ADGRG6: variants seen among roughly 807,000 people sequenced by gnomAD.
The protein encoded by ADGRG6 is adhesion G protein-coupled receptor G6, also known as G-protein coupled receptor 126.
A neutral mutation model predicts 142.4 loss-of-function variants in ADGRG6; 84 were observed. The ratio of observed to expected loss-of-function variants is 0.59; its 90% confidence interval spans 0.49 to 0.71. ADGRG6 has a LOEUF of 0.71. ADGRG6 is among the 30% of genes least tolerant of loss of function. The probability of loss-of-function intolerance (pLI) is 0.00; values close to 1 mark genes in which losing one functional copy is unlikely to be tolerated. For synonymous variants in ADGRG6, 521 were observed against 520.5 expected (o/e 1.00, Z -0.01); for missense variants, 1,367 against 1,466.6 (o/e 0.93, Z 1.11).
chr6:142,359,539 A>C lies in ADGRG6; in HGVS notation c.104-8030A>C, dbSNP rs115432075. 7.6e-3 allele frequency among the ~76,000 whole-genome samples: 1,160 copies of C among 152,282 alleles called. 13 individuals are homozygous for C. The highest frequency in any genetic ancestry group is 0.027 in the African/African-American group (1,106 of 41,552). On this transcript the variant is annotated intron_variant, in intron 2 of 24. Coordinates refer to ENST00000367609, the MANE Select transcript of ADGRG6 (RefSeq NM_198569.3). Reference sequence around the variant, plus strand: ...TGGCTCACTCCCAAACTGCATATTTACATCTCAGTTTCTTGATTTGGTTAG... The same window carrying C: ...TGGCTCACTCCCAAACTGCATATTTCCATCTCAGTTTCTTGATTTGGTTAG...
chr6:142,379,738 G>A (rs1283994919), intron 4 of ADGRG6, among the ~76,000 whole-genome samples: 5 of 152,194 alleles, frequency 3.3e-5, no homozygotes, highest in Non-Finnish European at 7.3e-5. Context: ...CTGCACCCCA[G>A]CCTGGGCAAC....
intron 8 of ADGRG6, among the ~76,000 whole-genome samples, chr6:142,393,203 G>A (rs1198676279): frequency 6.6e-6 from 1 of 152,072 alleles, no homozygotes; most frequent in African/African-American, 2.4e-5. Flanking sequence ...TTTTGATCAT[G>A]CATTACAGTT....
At position 142,445,075 on chromosome 6, in the gene ADGRG6, C is replaced by T. The variant is rs906851450; in HGVS notation, c.*1560C>T. The T allele has an allele frequency of 2.0e-5, 3 of 152,126 alleles. No homozygotes were observed. The highest frequency in any genetic ancestry group is 4.4e-5 in the Non-Finnish European group (3 of 68,038). 9.4% of individuals were successfully genotyped at this position (152,126 alleles called of 1,614,324 possible). On this transcript the variant is annotated 3_prime_UTR_variant, in exon 25 of 25. Coordinates refer to ENST00000367609, the MANE Select transcript of ADGRG6 (RefSeq NM_198569.3). Reference sequence around the variant, plus strand: ...ACACAGCAACCCAAGGGACCTCTCACCTTTTGCTGAGCTTCAATCAGGAAG... The same window carrying T: ...ACACAGCAACCCAAGGGACCTCTCATCTTTTGCTGAGCTTCAATCAGGAAG...
chr6:142,368,774 A>G (rs1209333309), intron 3 of ADGRG6, among the ~76,000 whole-genome samples: 1 of 152,150 alleles, frequency 6.6e-6, no homozygotes, highest in Non-Finnish European at 1.5e-5. Flanking sequence ...AAATTTTTCA[A>G]AATATTTTAA....
intron 2 of ADGRG6, among the ~76,000 whole-genome samples, chr6:142,311,208 A>G (rs1278890277): frequency 1.3e-5 from 2 of 151,936 alleles, no homozygotes; most frequent in Non-Finnish European, 2.9e-5. Context: ...CACCAGAATC[A>G]AAGTACTTAC....
In ADGRG6 at chr6:142,411,283, T is replaced by C. The variant is rs576513763; in HGVS notation, c.2435-22T>C. 4.5e-6 allele frequency: 6 copies of C among 1,329,038 alleles called. No individual in the cohort carries two copies. The African/African-American group carries it at 5.7e-5, about 13-fold the overall frequency. 82.3% of individuals were successfully genotyped at this position (1,329,038 alleles called of 1,614,324 possible). On this transcript the variant is annotated intron_variant, in intron 17 of 24. Coordinates refer to ENST00000367609, the MANE Select transcript of ADGRG6 (RefSeq NM_198569.3). Reference sequence around the variant, plus strand: ...AGAAACTGACCTGCTGTTTTCACACTGTTTGTTGATTCCTTCAACAGAAAG... The same window carrying C: ...AGAAACTGACCTGCTGTTTTCACACCGTTTGTTGATTCCTTCAACAGAAAG...
At chr6:142,362,703 A>G (rs1044247685) in intron 2 of ADGRG6, among the ~76,000 whole-genome samples, 24 of 152,172 alleles carry the variant, frequency 1.6e-4, no homozygotes, top group African/African-American at 5.3e-4. Flanking sequence ...CATATTATCA[A>G]TCATTTGATA....
chr6:142,318,872 G>A (rs904107041), intron 2 of ADGRG6, among the ~76,000 whole-genome samples: 6 of 151,960 alleles, frequency 3.9e-5, no homozygotes, highest in African/African-American at 1.5e-4. Context: ...ACTGGAGGAT[G>A]TTAAGTGAGG....
chr6:142,312,700 A>G (rs1039035772), intron 2 of ADGRG6, among the ~76,000 whole-genome samples: 2 of 152,152 alleles, frequency 1.3e-5, no homozygotes, highest in Non-Finnish European at 2.9e-5. Context: ...TCTCACATGT[A>G]GGCATATACC....
intron 6 of ADGRG6, among the ~76,000 whole-genome samples, chr6:142,389,960 G>C (rs1774799308): frequency 6.6e-6 from 1 of 151,744 alleles, no homozygotes; most frequent in Non-Finnish European, 1.5e-5. Flanking sequence ...ATTACAGACA[G>C]TAGATATAAG....
intron 2 of ADGRG6, among the ~76,000 whole-genome samples, chr6:142,336,490 T>A (rs1206105332): frequency 2.6e-5 from 4 of 152,112 alleles, no homozygotes; most frequent in African/African-American, 9.7e-5. Context: ...GGGTTGAAAA[T>A]AAATAACCAC....
At position 142,378,733 on chromosome 6, in the gene ADGRG6, C is replaced by A. The variant is rs536955804; in HGVS notation, c.1070-3218C>A. ...CCTTGGCAGTCTAGATTTCATCATT[C>A]CCACACAACTCAAACTATTTTCTAT... is the stretch of plus-strand genomic sequence containing the variant. On this transcript the variant is annotated intron_variant, in intron 4 of 24. Transcript: ENST00000367609. Among the ~76,000 whole-genome samples, 159 of 152,286 alleles carry A rather than the reference C, an allele frequency of 1.0e-3. 3 individuals are homozygous for A. The highest frequency in any genetic ancestry group is 6.3e-4 in the Non-Finnish European group (43 of 68,024).
At chr6:142,312,735 T>C (rs1777831132) in intron 2 of ADGRG6, among the ~76,000 whole-genome samples, 1 of 152,006 alleles carries the variant, frequency 6.6e-6, no homozygotes, top group Admixed American at 6.6e-5. Flanking sequence ...AACATAAATA[T>C]GTAGAGAAAT....
Position 142,438,193 on chromosome 6 carries a change from A to T in ADGRG6, c.3422-19A>T. 1 of 1,538,672 alleles carries T rather than the reference A, an allele frequency of 6.5e-7. No homozygotes were observed. The highest frequency in any genetic ancestry group is 1.7e-4 in the Middle Eastern group (1 of 5,846). ...CCCGGTAAAGCAGATTGATAGGGTG[A>T]TGTCATTTTTTTTTTCAGATTGGAG... On this transcript the variant is annotated intron_variant, in intron 23 of 24. Transcript: ENST00000367609.
rs58107097 is a variant in ADGRG6 at position 142,338,004 on chromosome 6, GCCTTGTATC to G, written c.103+28361_103+28369del. ...TGTTCTGACACTAAATCCTTTTTATGCCTTGTATCTTTGTTTTTTTTTTTTTTTTTTTTT... is the reference window on the plus strand; with the variant it reads ...TGTTCTGACACTAAATCCTTTTTATGTTTGTTTTTTTTTTTTTTTTTTTTT... On this transcript the variant is annotated intron_variant, in intron 2 of 24. Transcript: ENST00000367609. Among the ~76,000 whole-genome samples the G allele has an allele frequency of 3.1e-3, 303 of 98,568 alleles. 11 individuals carry two copies. The highest frequency in any genetic ancestry group is 0.021 in the Middle Eastern group (4 of 188). 64.7% of individuals were successfully genotyped at this position (98,568 alleles called of 152,430 possible).
intron 2 of ADGRG6, among the ~76,000 whole-genome samples, chr6:142,352,821 T>G (rs1554238081): frequency 6.6e-6 from 1 of 152,090 alleles, no homozygotes; most frequent in Non-Finnish European, 1.5e-5. Context: ...TTTAAAAAAC[T>G]TGTCTCTTCT....
At chr6:142,416,139 AT>A in intron 20 of ADGRG6, 75 bp downstream of exon 20, 2 of 1,105,878 alleles carry the variant, frequency 1.8e-6, no homozygotes, top group Non-Finnish European at 2.6e-6. Flanking sequence ...AAAAAATCTT[AT>A]TTAAAAAAAA....
intron 22 of ADGRG6, among the ~76,000 whole-genome samples, chr6:142,436,118 G>T (rs1327945576): frequency 6.6e-6 from 1 of 152,102 alleles, no homozygotes; most frequent in Non-Finnish European, 1.5e-5. Context: ...TCCTGGTGGG[G>T]GGTAGGGGAG....
intron 22 of ADGRG6, among the ~76,000 whole-genome samples, chr6:142,425,939 GA>G: frequency 6.6e-6 from 1 of 152,218 alleles, no homozygotes; most frequent in East Asian, 1.9e-4. Flanking sequence ...TTACTATCAC[GA>G]TAACAGCCCA....
Sources: gnomAD v4.1 joint callset for allele counts (sites outside exome capture counted in the v4.1 genomes callset) on GRCh38, gnomAD v4.1.1 for gene constraint, MANE v1.5 for transcripts, NCBI Gene and HGNC (gene_info 2026-07-23, HGNC 2026-07-21) for gene names.